NECTIN1: variants seen among roughly 807,000 people sequenced by gnomAD.
NECTIN1 encodes the protein nectin cell adhesion molecule 1.
NECTIN1 carries 23 observed loss-of-function variants against 48.0 expected under a neutral mutation model. The ratio of observed to expected loss-of-function variants is 0.48; its 90% confidence interval spans 0.34 to 0.68. The LOEUF is 0.68. Ranked by LOEUF, NECTIN1 falls within the 30% of genes least tolerant of loss-of-function variation. NECTIN1 has a pLI of 0.01. For synonymous variants in NECTIN1, 270 were observed against 288.9 expected, an observed-to-expected ratio of 0.93 and a Z score of 0.66; for missense variants, 591 against 709.9, an observed-to-expected ratio of 0.83 and a Z score of 1.90.
chr11:119,675,111 G>A (rs770523812), intron 5 of NECTIN1, 48 bp downstream of exon 5: 10 of 1,610,740 alleles, frequency 6.2e-6, no homozygotes, highest in African/African-American at 2.7e-5. Context: ...TGCAGGTGGC[G>A]AAGGAACCCG....
intron 6 of NECTIN1, chr11:119,638,904 A>C: frequency 1.8e-6 from 2 of 1,132,064 alleles, no homozygotes; most frequent in Non-Finnish European, 2.6e-6. Flanking sequence ...CCCCACTCAC[A>C]AGAGCAGGCC....
intron 1 of NECTIN1, among the ~76,000 whole-genome samples, chr11:119,701,059 G>C (rs138484948): frequency 1.2e-4 from 18 of 152,284 alleles, no homozygotes; most frequent in African/African-American, 3.6e-4. Context: ...TGCTCAGGAG[G>C]GGAGGCTGGG....
Position 119,674,707 on chromosome 11 carries a change from G to C in NECTIN1, c.1003+452C>G, listed in dbSNP as rs867321250. The C allele has an allele frequency of 2.4e-5, 39 of 1,613,976 alleles. 1 individual carries two copies. In the Middle Eastern group the frequency reaches 6.6e-4, roughly 27 times the overall value. On this transcript the variant is annotated intron_variant, in intron 5 of 5. Coordinates refer to ENST00000264025, the MANE Select transcript of NECTIN1 (RefSeq NM_002855.5). ...CACTATGGCTTTGGGCTACATCTTCGCTTTCTCTCCAGTCTCCCTGCTTGA... is the reference window on the plus strand; with the variant it reads ...CACTATGGCTTTGGGCTACATCTTCCCTTTCTCTCCAGTCTCCCTGCTTGA...
At chr11:119,711,438 T>C (rs1158582085) in intron 1 of NECTIN1, among the ~76,000 whole-genome samples, 1 of 150,544 alleles carries the variant, frequency 6.6e-6, no homozygotes, top group Non-Finnish European at 1.5e-5. Context: ...CTTATCAGGG[T>C]TGTGAAGCCA....
At chr11:119,708,833 A>G (rs1391490185) in intron 1 of NECTIN1, among the ~76,000 whole-genome samples, 1 of 152,146 alleles carries the variant, frequency 6.6e-6, no homozygotes, top group Admixed American at 6.5e-5. Context: ...TGGCAGGGCT[A>G]GGCTGGAGAC....
chr11:119,719,107 G>A (rs573947538), intron 1 of NECTIN1, among the ~76,000 whole-genome samples: 4 of 152,280 alleles, frequency 2.6e-5, no homozygotes, highest in East Asian at 1.9e-4. Context: ...CACTTGTGGC[G>A]TCATGTCGGC....
chr11:119,689,961 T>C (rs1328967230), intron 1 of NECTIN1, among the ~76,000 whole-genome samples: 2 of 152,260 alleles, frequency 1.3e-5, no homozygotes, highest in African/African-American at 4.8e-5. Flanking sequence ...CAGAACTCAC[T>C]GGTCTGGACC....
In NECTIN1 at chr11:119,647,184, T is replaced by C. The variant is rs1464441883; in HGVS notation, c.1004-7172A>G. Among the ~76,000 whole-genome samples, 38 of 117,666 alleles carry C rather than the reference T, an allele frequency of 3.2e-4. 1 individual carries two copies. Among genetic ancestry groups the C allele is most frequent in the African/African-American group, 1.1e-3 (37 of 33,932 alleles). The allele number at this position is 117,666 out of a possible 152,430, so 77.2% of individuals were successfully genotyped here. On this transcript the variant is annotated intron_variant, in intron 5 of 7. Transcript: ENST00000341398. Reference sequence around the variant, plus strand: ...GCATGTGTGTGTGTGTGTGTGTGTGTGTGTGTGTGTGTGTGTGTGTGTGTG... The same window carrying C: ...GCATGTGTGTGTGTGTGTGTGTGTGCGTGTGTGTGTGTGTGTGTGTGTGTG...
Position 119,678,913 on chromosome 11 carries a change from ACT to A in NECTIN1, c.80-150_80-149del. 1.5e-6 allele frequency: 1 copy of A among 665,262 alleles called. No individual in the cohort carries two copies. Among genetic ancestry groups the A allele is most frequent in the African/African-American group, 1.8e-5 (1 of 56,142 alleles). The allele number at this position is 665,262 out of a possible 1,614,324, so 41.2% of individuals were successfully genotyped here. A position where few individuals can be genotyped will look rare whatever the true frequency, so the allele number is the denominator to read the frequency against. On this transcript the variant is annotated intron_variant, in intron 1 of 5. Coordinates refer to ENST00000264025, the MANE Select transcript of NECTIN1 (RefSeq NM_002855.5). This position sits in a 1 kb window ranked among gnomAD's most constrained non-coding sequence, Gnocchi z 4.4. ...AATATTAATTACTTGTTATAAAAAC[ACT>A]CTAGGCAACACTGAAAAATCATGAG...
intron 1 of NECTIN1, among the ~76,000 whole-genome samples, chr11:119,693,557 C>T (rs897573221): frequency 1.3e-5 from 2 of 152,212 alleles, no homozygotes; most frequent in African/African-American, 4.8e-5. Context: ...CACTCAGCCC[C>T]TCCCACTCTG....
intron 1 of NECTIN1, among the ~76,000 whole-genome samples, chr11:119,722,226 A>G (rs957123728): frequency 5.9e-5 from 9 of 152,228 alleles, no homozygotes; most frequent in Non-Finnish European, 1.3e-4. Flanking sequence ...TGCCATTCAC[A>G]TGGGGCTCCT....
At chr11:119,645,015 C>T (rs1864377091) in intron 5 of NECTIN1, among the ~76,000 whole-genome samples, 1 of 152,178 alleles carries the variant, frequency 6.6e-6, no homozygotes, top group East Asian at 1.9e-4. Flanking sequence ...GTCACCTCCT[C>T]CAGAGCTCCC....
intron 5 of NECTIN1, among the ~76,000 whole-genome samples, chr11:119,645,652 C>T (rs189075883): frequency 6.6e-5 from 10 of 152,192 alleles, no homozygotes; most frequent in Non-Finnish European, 1.2e-4. Context: ...CTGGGTGTTT[C>T]CAGCTTTCTC....
chr11:119,728,660 A>C lies in NECTIN1; in HGVS notation c.-107T>G, dbSNP rs1248889815. 1 of 297,930 alleles carries C rather than the reference A, an allele frequency of 3.4e-6. No individual in the cohort carries two copies. Among genetic ancestry groups the C allele is most frequent in the African/African-American group, 2.4e-5 (1 of 42,282 alleles). 18.5% of individuals were successfully genotyped at this position (297,930 alleles called of 1,614,324 possible). On this transcript the variant is annotated 5_prime_UTR_variant, in exon 1 of 6. Transcript: ENST00000264025. ...ATCGCTGGCGGTCGGCGGGCGCTCG[A>C]AGGATCCAGGTCAGCTGCAGCCGTC...
chr11:119,665,384 G>C lies in NECTIN1; in HGVS notation c.1004-87C>G, dbSNP rs112825775. 49 of 1,481,360 alleles carry C rather than the reference G, an allele frequency of 3.3e-5. No individual in the cohort carries two copies. The African/African-American group carries it at 6.1e-4, about 18-fold the overall frequency. The allele number at this position is 1,481,360 out of a possible 1,614,324, so 91.8% of individuals were successfully genotyped here. ...GTGGGAGGGAGGCAGGGAAAGGAGA[G>C]GCCAGGAAGGACAGGCTGTCTGCAC... On this transcript the variant is annotated intron_variant, in intron 5 of 5. Coordinates refer to ENST00000264025, the MANE Select transcript of NECTIN1 (RefSeq NM_002855.5). The surrounding 1 kb of genome is among the most constrained non-coding windows in gnomAD (Gnocchi z 5.1).
rs141572195 is a variant in NECTIN1 at position 119,697,010 on chromosome 11, C to G, written c.80-18245G>C. 3.8e-3 allele frequency among the ~76,000 whole-genome samples: 584 copies of G among 152,238 alleles called. 4 individuals carry two copies. The East Asian group carries it at 0.048, about 12-fold the overall frequency. On this transcript the variant is annotated intron_variant, in intron 1 of 5. Coordinates refer to ENST00000264025, the MANE Select transcript of NECTIN1 (RefSeq NM_002855.5). ...AGCCCCCTCCCCGCCTCCTATGAGG[C>G]CTGCCCACTCTGTGTGCTGCCCGCT...
intron 5 of NECTIN1, among the ~76,000 whole-genome samples, chr11:119,669,209 C>T (rs939516854): frequency 1.3e-5 from 2 of 152,112 alleles, no homozygotes; most frequent in African/African-American, 4.8e-5. Flanking sequence ...GTCAGGAGTT[C>T]AAGACCAGCC....
chr11:119,728,704 T>TGGGGG lies in NECTIN1; in HGVS notation c.-152_-151insCCCCC. 1 of 41,958 alleles carries TGGGGG rather than the reference T, an allele frequency of 2.4e-5. No homozygotes were observed. Among genetic ancestry groups the TGGGGG allele is most frequent in the Non-Finnish European group, 4.9e-5 (1 of 20,578 alleles). 2.6% of individuals were successfully genotyped at this position (41,958 alleles called of 1,614,324 possible). ...AGCCGTCGGCCGGGGCGGGGTGGGC[T>TGGGGG]GGGTGGGATCCGCGCGGCCGCAGTC... On this transcript the variant is annotated 5_prime_UTR_variant, in exon 1 of 6. Transcript: ENST00000264025.
intron 5 of NECTIN1, among the ~76,000 whole-genome samples, chr11:119,655,092 G>T (rs1418914885): frequency 1.3e-5 from 2 of 151,128 alleles, no homozygotes; most frequent in African/African-American, 2.4e-5. Context: ...TGTATTTTTA[G>T]TGGAGATGGG....
Sources: allele counts gnomAD v4.1 joint callset (sites outside exome capture counted in the v4.1 genomes callset), GRCh38; gene constraint gnomAD v4.1.1; non-coding constraint Gnocchi (gnomAD v3.1); transcripts MANE v1.5; gene names NCBI Gene and HGNC (gene_info 2026-07-23, HGNC 2026-07-21).